CHSY1: variants seen among roughly 807,000 people sequenced by gnomAD.
The protein encoded by CHSY1 is N-acetylgalactosaminyl-proteoglycan 3-beta-glucuronosyltransferase 1.
In CHSY1, 13 loss-of-function variants were observed where a neutral mutation model predicts 59.8. The observed-to-expected ratio is 0.22, with a 90% CI of 0.14 to 0.35. CHSY1 has a LOEUF of 0.35. Among genes scored for constraint, CHSY1 ranks in the 10% least tolerant of loss-of-function variants. The pLI, the probability that CHSY1 is intolerant of heterozygous loss-of-function variation, is 1.00. For synonymous variants in CHSY1, 459 were observed against 401.2 expected, an observed-to-expected ratio of 1.14 and a Z score of -1.72; for missense variants, 947 against 1,030.6, an observed-to-expected ratio of 0.92 and a Z score of 1.11.
chr15:101,187,828 C>T, intron 2 of CHSY1: 2 of 165,320 alleles, frequency 1.2e-5, no homozygotes, highest in Non-Finnish European at 2.5e-5. Context: ...TATCCTTCAA[C>T]TCCAGCAAAG....
rs2038672350 is a variant in CHSY1 at position 101,210,464 on chromosome 15, C to A, written c.816+24618G>T. On this transcript the variant is annotated intron_variant, in intron 2 of 2. Coordinates refer to ENST00000254190, the MANE Select transcript of CHSY1 (RefSeq NM_014918.5). The stretch of plus-strand genomic sequence containing the variant: ...AAAGTAATGCTTTGAATCTCAAATC[C>A]TATTTTCTTGAGTTTTAAAATTACA... Among the ~76,000 whole-genome samples, 3 of 152,168 alleles carry A rather than the reference C, an allele frequency of 2.0e-5. No homozygotes were observed. The South Asian group carries it at 6.2e-4, about 31-fold the overall frequency.
intron 2 of CHSY1, among the ~76,000 whole-genome samples, chr15:101,201,900 AT>A (rs886753091): frequency 6.6e-6 from 1 of 152,190 alleles, no homozygotes; most frequent in African/African-American, 2.4e-5. Flanking sequence ...GTTAGAAGGA[AT>A]CTCAGGCCAG....
intron 1 of CHSY1, among the ~76,000 whole-genome samples, chr15:101,240,291 G>A (rs2038989272): frequency 6.6e-6 from 1 of 152,198 alleles, no homozygotes; most frequent in African/African-American, 2.4e-5. Flanking sequence ...AGGAGGAGGA[G>A]GGGATGCATT....
At chr15:101,179,312 C>T (rs1221506147) in intron 2 of CHSY1, among the ~76,000 whole-genome samples, 1 of 152,194 alleles carries the variant, frequency 6.6e-6, no homozygotes, top group Non-Finnish European at 1.5e-5. Context: ...CACCCCCGTC[C>T]CACTACGCCT....
chr15:101,185,583 T>A (rs983480010), intron 2 of CHSY1, among the ~76,000 whole-genome samples: 1 of 144,174 alleles, frequency 6.9e-6, no homozygotes, highest in Non-Finnish European at 1.5e-5. Flanking sequence ...CAGGTAGCCC[T>A]CCCATGTGAC....
At chr15:101,223,828 C>T (rs113697733) in intron 2 of CHSY1, among the ~76,000 whole-genome samples, 1 of 151,612 alleles carries the variant, frequency 6.6e-6, no homozygotes, top group African/African-American at 2.4e-5. Context: ...ACTCAGGCCT[C>T]GTCTACTACA....
At chr15:101,241,975 T>C (rs1327754173) in intron 1 of CHSY1, among the ~76,000 whole-genome samples, 3 of 152,244 alleles carry the variant, frequency 2.0e-5, no homozygotes, top group African/African-American at 7.2e-5. Flanking sequence ...TTACTCATAA[T>C]ACCTAATACA....
intron 2 of CHSY1, among the ~76,000 whole-genome samples, chr15:101,229,495 T>C (rs1333242591): frequency 6.6e-6 from 1 of 152,220 alleles, no homozygotes; most frequent in East Asian, 1.9e-4. Flanking sequence ...TAAAAGTGTC[T>C]ATCCATCAAA....
intron 2 of CHSY1, among the ~76,000 whole-genome samples, chr15:101,184,445 A>G (rs2038326025): frequency 6.7e-6 from 1 of 150,186 alleles, no homozygotes; most frequent in African/African-American, 2.5e-5. Flanking sequence ...CAGTGGTGTG[A>G]TCTCAGCTCA....
intron 2 of CHSY1, chr15:101,186,900 A>C (rs2141244110): frequency 6.6e-6 from 1 of 152,366 alleles, no homozygotes; most frequent in Non-Finnish European, 1.5e-5. Context: ...CAAGGTAAAG[A>C]ATTCAAAGAT....
At chr15:101,214,586 C>T (rs573285492) in intron 2 of CHSY1, among the ~76,000 whole-genome samples, 12 of 152,274 alleles carry the variant, frequency 7.9e-5, no homozygotes, top group Non-Finnish European at 1.5e-4. Context: ...AATCTCATGT[C>T]GGATTGCAGT....
chr15:101,215,619 C>T (rs747878835), intron 2 of CHSY1, among the ~76,000 whole-genome samples: 25 of 152,154 alleles, frequency 1.6e-4, no homozygotes, highest in Non-Finnish European at 2.1e-4. Context: ...CCTGTAGTCC[C>T]GGCTACCCAG....
At chr15:101,218,182 C>T (rs559344160) in intron 2 of CHSY1, among the ~76,000 whole-genome samples, 1 of 152,226 alleles carries the variant, frequency 6.6e-6, no homozygotes, top group African/African-American at 2.4e-5. Context: ...GCCTAAGACA[C>T]TGGCACAGAC....
intron 1 of CHSY1, among the ~76,000 whole-genome samples, chr15:101,244,146 T>C (rs538975410): frequency 9.2e-5 from 14 of 152,334 alleles, no homozygotes; most frequent in African/African-American, 3.1e-4. Flanking sequence ...GCTTTTATGC[T>C]TGTAAACTGT....
At chr15:101,180,933 G>A (rs1233301017) in intron 2 of CHSY1, among the ~76,000 whole-genome samples, 1 of 152,222 alleles carries the variant, frequency 6.6e-6, no homozygotes, top group Non-Finnish European at 1.5e-5. Context: ...GCTACAAGGT[G>A]GCAAATGTCA....
At chr15:101,232,370 T>A (rs1220543474) in intron 2 of CHSY1, among the ~76,000 whole-genome samples, 1 of 152,176 alleles carries the variant, frequency 6.6e-6, no homozygotes, top group Non-Finnish European at 1.5e-5. Context: ...GTGAACACAA[T>A]GATAAACCTA....
chr15:101,234,798 C>A (rs570536286), intron 2 of CHSY1, among the ~76,000 whole-genome samples: 1 of 152,132 alleles, frequency 6.6e-6, no homozygotes, highest in African/African-American at 2.4e-5. Flanking sequence ...ACCCAGGAGG[C>A]GGAGGTTAAA....
chr15:101,237,242 A>AT (rs912794610), intron 1 of CHSY1, among the ~76,000 whole-genome samples: 1 of 150,088 alleles, frequency 6.7e-6, no homozygotes, highest in Non-Finnish European at 1.5e-5. Context: ...AAAAAAAAAA[A>AT]AAAAAACAGA....
At position 101,178,389 on chromosome 15, in the gene CHSY1, GCCT is replaced by G; in HGVS notation, c.1405_1407del (p.Arg469del). 6.2e-7 allele frequency: 1 copy of G among 1,611,356 alleles called. No individual in the cohort carries two copies. The highest frequency in any genetic ancestry group is 8.5e-7 in the Non-Finnish European group (1 of 1,177,652). Reference sequence around the variant, plus strand: ...CTGAAAGTCTGCTGTAAATACGCGTGCCTCCTCACAGGGACCGTCATTTTCTTC... The same window carrying G: ...CTGAAAGTCTGCTGTAAATACGCGTGCCTCACAGGGACCGTCATTTTCTTC... On this transcript the variant is annotated inframe_deletion, in exon 3 of 3. Coordinates refer to ENST00000254190, the MANE Select transcript of CHSY1 (RefSeq NM_014918.5).
Sources: allele counts gnomAD v4.1 joint callset (sites outside exome capture counted in the v4.1 genomes callset), GRCh38; gene constraint gnomAD v4.1.1; transcripts MANE v1.5; gene names NCBI Gene and HGNC (gene_info 2026-07-23, HGNC 2026-07-21).